SIPA1L3: variants seen among roughly 807,000 people sequenced by gnomAD.
SIPA1L3 encodes signal-induced proliferation-associated 1-like protein 3.
SIPA1L3 carries 59 observed loss-of-function variants against 150.1 expected under a neutral mutation model. The ratio of observed to expected loss-of-function variants is 0.39; its 90% CI spans 0.32 to 0.49. SIPA1L3 has a LOEUF of 0.49. SIPA1L3 is among the 20% of genes least tolerant of loss of function. The pLI is 0.86. For synonymous variants in SIPA1L3, 1,070 were observed against 1,077.6 expected (o/e 0.99, Z 0.14); for missense variants, 2,211 against 2,489.5 (o/e 0.89, Z 2.38).
At chr19:37,966,860 A>G (rs899039156) in intron 1 of SIPA1L3, among the ~76,000 whole-genome samples, 2 of 152,146 alleles carry the variant, frequency 1.3e-5, no homozygotes, top group Admixed American at 6.6e-5. Flanking sequence ...CGAGGGCAGA[A>G]CAACAGTGGA....
intron 15 of SIPA1L3, among the ~76,000 whole-genome samples, chr19:38,171,451 G>A (rs528237202): frequency 1.5e-5 from 2 of 137,068 alleles, no homozygotes; most frequent in Non-Finnish European, 3.0e-5. Context: ...GCAGTGCAAT[G>A]GCACAGTCTC....
At position 38,123,810 on chromosome 19, in the gene SIPA1L3, A is replaced by G. The variant is rs1163429357; in HGVS notation, c.2868+3928A>G. Among the ~76,000 whole-genome samples, 47 of 118,296 alleles carry G rather than the reference A, an allele frequency of 4.0e-4. No individual in the cohort carries two copies. The East Asian group carries it at 9.0e-3, about 23-fold the overall frequency. 77.6% of individuals were successfully genotyped at this position (118,296 alleles called of 152,430 possible). On this transcript the variant is annotated intron_variant, in intron 9 of 21. Coordinates refer to ENST00000222345, the MANE Select transcript of SIPA1L3 (RefSeq NM_015073.3). ...CTCCCAGACGGGGTGGCGGCCGGGCAGAGGGGCTCCTCACTTCCCAGTAGG... is the reference window on the plus strand; with the variant it reads ...CTCCCAGACGGGGTGGCGGCCGGGCGGAGGGGCTCCTCACTTCCCAGTAGG...
At chr19:37,998,351 A>C (rs1486362983) in intron 1 of SIPA1L3, among the ~76,000 whole-genome samples, 4 of 152,294 alleles carry the variant, frequency 2.6e-5, no homozygotes, top group Middle Eastern at 3.4e-3. Flanking sequence ...TTCCAGGAGT[A>C]TGTGGTAGGA....
At chr19:37,975,008 T>C (rs550540110) in intron 1 of SIPA1L3, among the ~76,000 whole-genome samples, 4 of 152,276 alleles carry the variant, frequency 2.6e-5, no homozygotes, top group Non-Finnish European at 4.4e-5. Context: ...AAACCCCACC[T>C]CTACAAAAAA....
intron 1 of SIPA1L3, among the ~76,000 whole-genome samples, chr19:37,993,664 G>A (rs1332810317): frequency 1.3e-5 from 2 of 152,306 alleles, no homozygotes; most frequent in African/African-American, 2.4e-5. Context: ...TGGAGGGCTT[G>A]TTCAGAGCTA....
At chr19:38,070,642 T>C (rs1969695698) in intron 2 of SIPA1L3, among the ~76,000 whole-genome samples, 1 of 152,222 alleles carries the variant, frequency 6.6e-6, no homozygotes, top group South Asian at 2.1e-4. Context: ...CTTTGTTGGC[T>C]GGAAGAACTT....
chr19:38,112,046 A>C (rs12983710), intron 8 of SIPA1L3, among the ~76,000 whole-genome samples: 1 of 147,286 alleles, frequency 6.8e-6, no homozygotes, highest in African/African-American at 2.5e-5. Context: ...CCATGCGTCC[A>C]CACATGCACA....
At chr19:37,959,151 C>T (rs1380059673) in intron 1 of SIPA1L3, among the ~76,000 whole-genome samples, 1 of 152,144 alleles carries the variant, frequency 6.6e-6, no homozygotes, top group African/African-American at 2.4e-5. Flanking sequence ...ATAGAGTTAC[C>T]ATATGATCCA....
chr19:37,953,020 G>A (rs1352119022), intron 1 of SIPA1L3, among the ~76,000 whole-genome samples: 2 of 152,092 alleles, frequency 1.3e-5, no homozygotes, highest in East Asian at 1.9e-4. Context: ...TTACAAGGTC[G>A]GGAGATCCTG....
At chr19:37,923,322 G>C (rs2145486230) in intron 1 of SIPA1L3, among the ~76,000 whole-genome samples, 1 of 152,300 alleles carries the variant, frequency 6.6e-6, no homozygotes, top group South Asian at 2.1e-4. Flanking sequence ...TTGCTGCGAA[G>C]CTAGATGGCA....
At chr19:38,019,143 A>G (rs1330174733) in intron 1 of SIPA1L3, among the ~76,000 whole-genome samples, 3 of 152,190 alleles carry the variant, frequency 2.0e-5, no homozygotes, top group African/African-American at 7.2e-5. Flanking sequence ...TGAAAAGCCC[A>G]TTTGGCTGCC....
At position 38,193,575 on chromosome 19, in the gene SIPA1L3, C is replaced by A. The variant is rs746517706; in HGVS notation, c.4635C>A (p.Asp1545Glu). Residue 1545 changes from aspartate (D) to glutamate (E), a missense_variant, in exon 18 of 22, where the codon GAC (aspartate) becomes GAA (glutamate). By Grantham distance (45) the Asp-to-Glu change is conservative. This residue lies in a region of SIPA1L3 where 806 missense variants were observed against 870.1 expected (regional missense o/e 0.93). Transcript: ENST00000222345. ...AGGGCCTGCAGCGGACGCTGTCGGA[C>A]GAGAGCCTGTGCAGCGGGCGCCGGG... ...PQKGLQRTLS[D>E]ESLCSGRREP... The A allele has an allele frequency of 2.6e-6, 4 of 1,541,188 alleles. 1 individual carries two copies. In the South Asian group the frequency reaches 3.7e-5, roughly 14 times the overall value.
At chr19:38,013,494 T>G (rs1968156610) in intron 1 of SIPA1L3, among the ~76,000 whole-genome samples, 2 of 152,162 alleles carry the variant, frequency 1.3e-5, no homozygotes, top group African/African-American at 4.8e-5. Context: ...CTTCCCCTAC[T>G]TACGATCTCC....
intron 2 of SIPA1L3, among the ~76,000 whole-genome samples, chr19:38,037,097 G>A (rs1968809822): frequency 6.6e-6 from 1 of 152,208 alleles, no homozygotes; most frequent in African/African-American, 2.4e-5. Context: ...CAGGGCTCTA[G>A]AAATGCAGAG....
chr19:38,079,537 G>A (rs1969929597), intron 2 of SIPA1L3, among the ~76,000 whole-genome samples: 1 of 149,748 alleles, frequency 6.7e-6, no homozygotes, highest in Non-Finnish European at 1.5e-5. Flanking sequence ...GAAGGTTTTT[G>A]TGTTTGTTTT....
At chr19:38,088,143 C>T (rs1209926280) in intron 3 of SIPA1L3, among the ~76,000 whole-genome samples, 1 of 152,264 alleles carries the variant, frequency 6.6e-6, no homozygotes, top group African/African-American at 2.4e-5. Flanking sequence ...TGCCAACACT[C>T]ATCATGTGCG....
At chr19:38,023,587 C>G (rs1968427654) in intron 1 of SIPA1L3, among the ~76,000 whole-genome samples, 1 of 152,202 alleles carries the variant, frequency 6.6e-6, no homozygotes, top group Non-Finnish European at 1.5e-5. Context: ...TAATGGGAAT[C>G]TTCTCTAAAT....
At position 38,029,326 on chromosome 19, in the gene SIPA1L3, C is replaced by T. The variant is rs77930468; in HGVS notation, c.-311+170C>T. On this transcript the variant is annotated intron_variant, in intron 2 of 21. Transcript: ENST00000222345. ...CCCCAGAGGTAATTACTGTCAGTCA[C>T]TGGCTGGGTGCCCTGCCAGACCTTT... 5.1e-4 allele frequency among the ~76,000 whole-genome samples: 78 copies of T among 152,330 alleles called. 2 individuals are homozygous for T. The East Asian group carries it at 0.014, about 28-fold the overall frequency.
At chr19:37,956,237 G>T (rs554328382) in intron 1 of SIPA1L3, among the ~76,000 whole-genome samples, 7 of 152,106 alleles carry the variant, frequency 4.6e-5, no homozygotes, top group Non-Finnish European at 7.4e-5. Flanking sequence ...CATTGTAGTT[G>T]TGATTTGCAT....
Sources: gnomAD v4.1 joint callset for allele counts (sites outside exome capture counted in the v4.1 genomes callset) on GRCh38, gnomAD v4.1.1 for gene constraint, gnomAD v4.1.1 regional missense constraint, MANE v1.5 for transcripts, NCBI Gene and HGNC (gene_info 2026-07-23, HGNC 2026-07-21) for gene names.